Variants in NRXN3 observed in about 807,000 individuals in gnomAD.
NRXN3 encodes the protein neurexin 3.
Under a neutral mutation model 137.6 loss-of-function variants are expected in NRXN3, and 32 were observed. The observed-to-expected ratio is 0.23, with a 90% confidence interval of 0.18 to 0.31. The LOEUF (loss-of-function observed/expected upper bound fraction) is 0.31, where lower values mean the gene tolerates loss of function less well. Among genes scored for constraint, NRXN3 ranks in the 10% least tolerant of loss-of-function variants. NRXN3 has a pLI of 1.00. For missense variants in NRXN3, 1,574 were observed against 2,062.5 expected (o/e 0.76, Z 4.59); for synonymous variants, 798 against 784.5 (o/e 1.02, Z -0.29).
intron 10 of NRXN3, among the ~76,000 whole-genome samples, chr14:78,836,681 T>A (rs983886754): frequency 1.3e-5 from 2 of 152,240 alleles, no homozygotes; most frequent in Non-Finnish European, 2.9e-5. Flanking sequence ...TAGTGGGCTC[T>A]AGTATTAGTT....
At chr14:78,235,153 G>A (rs1037737016) in intron 1 of NRXN3, among the ~76,000 whole-genome samples, 15 of 151,348 alleles carry the variant, frequency 9.9e-5, no homozygotes, top group Non-Finnish European at 1.6e-4. Context: ...GGATCAAGTT[G>A]CATTCCTTTC....
At chr14:78,256,370 G>A (rs780177313) in intron 2 of NRXN3, among the ~76,000 whole-genome samples, 1 of 152,234 alleles carries the variant, frequency 6.6e-6, no homozygotes, top group Admixed American at 6.5e-5. Flanking sequence ...TTCTCTGTTG[G>A]TTAGAGGTGT....
intron 10 of NRXN3, among the ~76,000 whole-genome samples, chr14:78,913,278 T>C (rs28452013): frequency 1.1e-4 from 12 of 111,990 alleles, no homozygotes; most frequent in East Asian, 9.9e-4. Context: ...TTCTTTCTTT[T>C]TTTTTTTTTT....
intron 10 of NRXN3, among the ~76,000 whole-genome samples, chr14:78,925,238 G>A (rs1382034306): frequency 6.6e-6 from 1 of 152,150 alleles, no homozygotes; most frequent in Non-Finnish European, 1.5e-5. Flanking sequence ...ATAGAGTTTA[G>A]AGCAGAAAAA....
intron 15 of NRXN3, among the ~76,000 whole-genome samples, chr14:79,358,140 CTA>C (rs1254052582): frequency 6.6e-6 from 1 of 152,284 alleles, no homozygotes; most frequent in East Asian, 1.9e-4. Flanking sequence ...GTGGTGAATC[CTA>C]GTCTTTTTAT....
intron 4 of NRXN3, among the ~76,000 whole-genome samples, chr14:78,514,201 A>C (rs758556112): frequency 1.6e-4 from 24 of 152,288 alleles, no homozygotes; most frequent in Non-Finnish European, 3.2e-4. Context: ...CCGCAATGAA[A>C]GAGATGTCAC....
At chr14:78,865,840 C>G (rs2152546414) in intron 10 of NRXN3, among the ~76,000 whole-genome samples, 1 of 152,218 alleles carries the variant, frequency 6.6e-6, no homozygotes, top group Admixed American at 6.5e-5. Context: ...AACATTTATT[C>G]AATCAATGAG....
intron 19 of NRXN3, among the ~76,000 whole-genome samples, chr14:79,733,401 G>A (rs1458817009): frequency 2.0e-5 from 3 of 152,144 alleles, no homozygotes; most frequent in Non-Finnish European, 4.4e-5. Flanking sequence ...TTGGGAAACC[G>A]TTTTAATAAT....
At chr14:78,648,688 T>C (rs369205784) in intron 5 of NRXN3, among the ~76,000 whole-genome samples, 31 of 152,332 alleles carry the variant, frequency 2.0e-4, no homozygotes, top group African/African-American at 7.2e-4. Context: ...GATCTGTAAA[T>C]GCTTTAAGTT....
In NRXN3 at chr14:79,738,350, CACACAG is replaced by C. The variant is rs750344452; in HGVS notation, c.4014+40415_4014+40420del. 4.6e-3 allele frequency among the ~76,000 whole-genome samples: 691 copies of C among 150,142 alleles called. 2 individuals carry two copies. The highest frequency in any genetic ancestry group is 0.01 in the Middle Eastern group (3 of 292). Reference sequence around the variant, plus strand: ...ACACACACACACACACACACACACACACACAGAGGAGAAGGTGATGGAGGCAGATAC... The same window carrying C: ...ACACACACACACACACACACACACACAGGAGAAGGTGATGGAGGCAGATAC... On this transcript the variant is annotated intron_variant, in intron 19 of 20. Coordinates refer to ENST00000335750, the MANE Select transcript of NRXN3 (RefSeq NM_001330195.2).
At chr14:79,252,079 C>T (rs2076008642) in intron 15 of NRXN3, among the ~76,000 whole-genome samples, 1 of 152,104 alleles carries the variant, frequency 6.6e-6, no homozygotes, top group Non-Finnish European at 1.5e-5. Context: ...GTAGCTAATC[C>T]TTTCTACAAA....
intron 4 of NRXN3, among the ~76,000 whole-genome samples, chr14:78,642,692 G>A (rs569286675): frequency 1.3e-5 from 2 of 152,312 alleles, no homozygotes; most frequent in South Asian, 4.1e-4. Flanking sequence ...CTCTAGATCA[G>A]GGTCACCTCC....
chr14:78,825,818 A>G (rs1207435811), intron 10 of NRXN3, among the ~76,000 whole-genome samples: 1 of 152,238 alleles, frequency 6.6e-6, no homozygotes, highest in Non-Finnish European at 1.5e-5. Flanking sequence ...CTGGTTTAGC[A>G]TCTCATGTAA....
At chr14:79,328,265 G>T (rs2091194311) in intron 15 of NRXN3, among the ~76,000 whole-genome samples, 1 of 152,178 alleles carries the variant, frequency 6.6e-6, no homozygotes, top group Admixed American at 6.5e-5. Flanking sequence ...TTATAAAAGT[G>T]AATTCAGCAC....
chr14:78,781,568 A>C (rs953451115), intron 8 of NRXN3, among the ~76,000 whole-genome samples: 3 of 152,220 alleles, frequency 2.0e-5, no homozygotes, highest in Non-Finnish European at 4.4e-5. Flanking sequence ...AATGGGACTG[A>C]TGAAAATGTA....
At chr14:79,390,303 C>T (rs772377808) in intron 15 of NRXN3, among the ~76,000 whole-genome samples, 9 of 140,294 alleles carry the variant, frequency 6.4e-5, no homozygotes, top group Non-Finnish European at 1.2e-4. Context: ...GGCAGCAGAG[C>T]GAGACTCTGT....
intron 15 of NRXN3, among the ~76,000 whole-genome samples, chr14:79,417,210 T>A (rs1354764509): frequency 6.6e-6 from 1 of 152,184 alleles, no homozygotes; most frequent in Admixed American, 6.6e-5. Flanking sequence ...TGGCCCTATC[T>A]TAGCACATCA....
At chr14:78,490,228 A>G (rs1329480631) in intron 4 of NRXN3, among the ~76,000 whole-genome samples, 2 of 35,686 alleles carry the variant, frequency 5.6e-5, no homozygotes, top group Non-Finnish European at 1.2e-4. Flanking sequence ...AAGTGCTGGG[A>G]TTACAGGTGT....
intron 15 of NRXN3, among the ~76,000 whole-genome samples, chr14:79,185,534 T>C (rs1305914489): frequency 1.3e-5 from 2 of 151,882 alleles, no homozygotes; most frequent in Non-Finnish European, 2.9e-5. Context: ...GGCACAATCT[T>C]GGCTCACTGC....
Sources: gnomAD v4.1 joint callset for allele counts (sites outside exome capture counted in the v4.1 genomes callset) on GRCh38, gnomAD v4.1.1 for gene constraint, MANE v1.5 for transcripts, NCBI Gene and HGNC (gene_info 2026-07-23, HGNC 2026-07-21) for gene names.